The following AP3B1 variants were observed in gnomAD, a reference collection of about 807,000 sequenced individuals.
AP3B1 encodes adaptor related protein complex 3 subunit beta 1.
AP3B1 carries 61 observed loss-of-function variants against 132.5 expected under a neutral mutation model. The observed-to-expected ratio is 0.46, with a 90% CI of 0.37 to 0.57. The LOEUF (loss-of-function observed/expected upper bound fraction) is 0.57. Among genes scored for constraint, AP3B1 ranks in the 20% least tolerant of loss-of-function variants. The pLI is 0.00. For synonymous variants in AP3B1, 388 were observed against 438.3 expected (o/e 0.89, Z 1.43); for missense variants, 1,120 against 1,289.4 (o/e 0.87, Z 2.01).
chr5:78,095,493 T>C (rs1015679025), intron 21 of AP3B1, among the ~76,000 whole-genome samples: 2 of 152,332 alleles, frequency 1.3e-5, no homozygotes, highest in South Asian at 2.1e-4. Context: ...TACAGTGAAG[T>C]TGGCACTCTG....
intron 1 of AP3B1, among the ~76,000 whole-genome samples, chr5:78,275,595 C>G (rs1748739040): frequency 6.6e-6 from 1 of 152,124 alleles, no homozygotes; most frequent in African/African-American, 2.4e-5. Context: ...CCTGCCTCAG[C>G]CTCCCAAGTA....
intron 17 of AP3B1, among the ~76,000 whole-genome samples, chr5:78,117,879 A>T (rs553849906): frequency 6.6e-6 from 1 of 152,218 alleles, no homozygotes; most frequent in Non-Finnish European, 1.5e-5. Flanking sequence ...AAAAGCAGGG[A>T]AATGTATACT....
intron 22 of AP3B1, chr5:78,042,941 T>C (rs1748156386): frequency 5.3e-6 from 1 of 189,158 alleles, no homozygotes; most frequent in Admixed American, 5.0e-5. Flanking sequence ...TGTAGAATTC[T>C]CTATACTCCT....
intron 22 of AP3B1, among the ~76,000 whole-genome samples, chr5:78,068,622 C>T (rs1749396680): frequency 6.6e-6 from 1 of 152,108 alleles, no homozygotes; most frequent in African/African-American, 2.4e-5. Flanking sequence ...AGCCTACCAA[C>T]CCCAAAAAGC....
At chr5:78,116,433 C>T (rs555126103) in intron 17 of AP3B1, among the ~76,000 whole-genome samples, 199 bp from the exon 18 acceptor site, 1 of 152,242 alleles carries the variant, frequency 6.6e-6, no homozygotes, top group South Asian at 2.1e-4. Context: ...CACTCAGAGG[C>T]CCTATGTTAA....
At chr5:78,205,638 T>A (rs1041194301) in intron 7 of AP3B1, among the ~76,000 whole-genome samples, 2 of 152,132 alleles carry the variant, frequency 1.3e-5, no homozygotes, top group Admixed American at 6.6e-5. Context: ...CAAAGGTCAA[T>A]GTCTGGCCCT....
At chr5:78,175,999 T>C (rs1744133230) in intron 9 of AP3B1, among the ~76,000 whole-genome samples, 161 bp from the exon 10 acceptor site, 1 of 152,216 alleles carries the variant, frequency 6.6e-6, no homozygotes. Flanking sequence ...TGTGTCTTTT[T>C]AACGCACTTT....
In AP3B1 at chr5:78,076,581, G is replaced by A. The variant is rs1580316157; in HGVS notation, c.2577+12812C>T. On this transcript the variant is annotated intron_variant, in intron 22 of 26. Coordinates refer to ENST00000255194, the MANE Select transcript of AP3B1 (RefSeq NM_003664.5). ...TGCTAAGGAGATAACTCAGGATAAG[G>A]CTGGCCAAGATAGAAAGACCAACCA... 2.0e-5 allele frequency among the ~76,000 whole-genome samples: 3 copies of A among 152,276 alleles called. No homozygotes were observed. The East Asian group carries it at 5.8e-4, about 29-fold the overall frequency.
intron 7 of AP3B1, among the ~76,000 whole-genome samples, chr5:78,189,869 CAAATAAAATAAAATA>C (rs55792888): frequency 0.11 from 11,722 of 102,110 alleles, 714 homozygotes; most frequent in Non-Finnish European, 0.14. Context: ...GACTCCATCT[CAAATAAAATAAAATA>C]AAATAAAATA....
chr5:78,056,841 T>C (rs1299027925), intron 22 of AP3B1, among the ~76,000 whole-genome samples: 2 of 152,198 alleles, frequency 1.3e-5, no homozygotes, highest in South Asian at 2.1e-4. Context: ...TTTTAAATAA[T>C]AGTCCTCTTT....
chr5:78,060,834 A>G (rs528863992), intron 22 of AP3B1, among the ~76,000 whole-genome samples: 1 of 152,190 alleles, frequency 6.6e-6, no homozygotes, highest in Non-Finnish European at 1.5e-5. Context: ...AAAGCAAAAG[A>G]GAATTTGCTC....
chr5:78,280,113 T>A (rs1167434991), intron 1 of AP3B1, among the ~76,000 whole-genome samples: 1 of 148,664 alleles, frequency 6.7e-6, no homozygotes, highest in Admixed American at 6.7e-5. Context: ...AACTATAAAG[T>A]AATACCTTAT....
chr5:78,246,267 C>A (rs926974292), intron 2 of AP3B1, among the ~76,000 whole-genome samples: 7 of 152,188 alleles, frequency 4.6e-5, no homozygotes, highest in Admixed American at 4.6e-4. Context: ...TTTTTACTTA[C>A]AATGGGTATA....
At chr5:78,225,159 C>G (rs928378146) in intron 6 of AP3B1, among the ~76,000 whole-genome samples, 2 of 152,036 alleles carry the variant, frequency 1.3e-5, no homozygotes, top group African/African-American at 4.8e-5. Flanking sequence ...AGCTGGAATC[C>G]TTTTCCTCAG....
intron 14 of AP3B1, among the ~76,000 whole-genome samples, chr5:78,153,444 T>C (rs1412717018): frequency 2.6e-5 from 4 of 151,996 alleles, no homozygotes; most frequent in African/African-American, 9.7e-5. Context: ...ATGTCTATCA[T>C]TATAGGTGAA....
intron 22 of AP3B1, among the ~76,000 whole-genome samples, chr5:78,041,064 C>T (rs771779987): frequency 7.6e-4 from 116 of 152,188 alleles, no homozygotes; most frequent in Non-Finnish European, 1.2e-3. Flanking sequence ...CACCTGAGGT[C>T]CGGAGTCTGA....
At chr5:78,281,998 C>T (rs1429922532) in intron 1 of AP3B1, among the ~76,000 whole-genome samples, 1 of 152,174 alleles carries the variant, frequency 6.6e-6, no homozygotes, top group African/African-American at 2.4e-5. Context: ...AAAAAAAGCT[C>T]GTTAGACTCC....
intron 15 of AP3B1, among the ~76,000 whole-genome samples, chr5:78,138,418 G>C (rs1212707587): frequency 6.6e-6 from 1 of 152,118 alleles, no homozygotes; most frequent in African/African-American, 2.4e-5. Flanking sequence ...AGTGAGTCGA[G>C]ATCACGCCAC....
intron 7 of AP3B1, among the ~76,000 whole-genome samples, chr5:78,212,941 G>T (rs1048935379): frequency 6.6e-6 from 1 of 151,920 alleles, no homozygotes; most frequent in Non-Finnish European, 1.5e-5. Context: ...GCAGTGGTGC[G>T]ATCTCGGCTC....
Sources: allele counts gnomAD v4.1 joint callset (sites outside exome capture counted in the v4.1 genomes callset), GRCh38; gene constraint gnomAD v4.1.1; transcripts MANE v1.5; gene names NCBI Gene and HGNC (gene_info 2026-07-23, HGNC 2026-07-21).